The following CCDC187 variants were observed in gnomAD, a reference collection of about 807,000 sequenced individuals.
The protein encoded by CCDC187 is coiled-coil domain containing 187.
CCDC187 carries 32 observed loss-of-function variants against 38.0 expected under a neutral mutation model. The ratio of observed to expected loss-of-function variants is 0.84; its 90% CI spans 0.64 to 1.13. The LOEUF is 1.13. CCDC187 is among the 50% of genes most tolerant of loss of function. The pLI is 0.00. For missense variants in CCDC187, 707 were observed against 786.8 expected (o/e 0.90, Z 1.21); for synonymous variants, 333 against 347.9 (o/e 0.96, Z 0.48).
At position 136,253,787 on chromosome 9, in the gene CCDC187, G is replaced by C; in HGVS notation, c.6041C>G (p.Pro2014Arg). ...CTGTGCTTGGGGAGTGGGAGGAGGTGGGGGTAGGGGGGCCTCCCTGTGGAT... is the reference window on the plus strand; with the variant it reads ...CTGTGCTTGGGGAGTGGGAGGAGGTCGGGGTAGGGGGGCCTCCCTGTGGAT... ...SSIHREAPLP[P>R]PPPTPQAQSD... Residue 2014 changes from proline to arginine, a missense_variant, in exon 26 of 26, where the codon CCA (proline) becomes CGA (arginine). Physicochemically the swap from Pro to Arg is moderately radical, Grantham distance 103. Coordinates refer to ENST00000638797, the MANE Select transcript of CCDC187 (RefSeq NM_001378188.1). 1.0e-6 allele frequency: 1 copy of C among 985,566 alleles called. No homozygotes were observed. The highest frequency in any genetic ancestry group is 1.2e-6 in the Non-Finnish European group (1 of 829,966). The allele number at this position is 985,566 out of a possible 1,614,324, so 61.1% of individuals were successfully genotyped here.
chr9:136,274,617 C>T (rs1830896328), intron 14 of CCDC187, 41 bp downstream of exon 14: 2 of 152,476 alleles, frequency 1.3e-5, no homozygotes, highest in African/African-American at 2.4e-5. Flanking sequence ...GAGGGCTCTG[C>T]CTGCCTCCAG....
rs2131249353 is a variant in CCDC187, at chr9:136,281,613, A to C, written c.2978T>G (p.Leu993Arg). The change falls in exon 10 of 26, where the codon CTG becomes CGG. Residue 993 changes from leucine (L) to arginine (R), a missense_variant. Leu to Arg is a moderately radical substitution (Grantham distance 102). Transcript: ENST00000638797. Reference sequence around the variant, plus strand: ...CCCTCCGACCGACGGCGTCTCCTCCAGTCCCAGGGAGCCCCAGATAGGGTG... The same window carrying C: ...CCCTCCGACCGACGGCGTCTCCTCCCGTCCCAGGGAGCCCCAGATAGGGTG... Reference protein sequence around the residue: ...TLHPIWGSLGLEETPSVGGAD... With the variant: ...TLHPIWGSLGREETPSVGGAD... 1 of 398,604 alleles carries C rather than the reference A, an allele frequency of 2.5e-6. No individual in the cohort carries two copies. Among genetic ancestry groups the C allele is most frequent in the Middle Eastern group, 6.3e-4 (1 of 1,588 alleles). 24.7% of individuals were successfully genotyped at this position (398,604 alleles called of 1,614,324 possible).
rs905111179 is a variant in CCDC187 at position 136,301,427 on chromosome 9, C to T, written c.626-1109G>A. 3.1e-3 allele frequency among the ~76,000 whole-genome samples: 477 copies of T among 151,844 alleles called. 12 individuals are homozygous for T. The East Asian group carries it at 0.063, about 20-fold the overall frequency. On this transcript the variant is annotated intron_variant, in intron 2 of 25. Coordinates refer to ENST00000638797, the MANE Select transcript of CCDC187 (RefSeq NM_001378188.1). The stretch of plus-strand genomic sequence containing the variant: ...GAAGGGTCCCGGGGCTGGGAGGGGA[C>T]GGGGGTGAGTGTTTCATGGGGACAG...
chr9:136,258,926 G>A lies in CCDC187; in HGVS notation c.4366+6C>T. On this transcript the variant is annotated splice_donor_region_variant and intron_variant, in intron 22 of 25. Transcript: ENST00000638797. The surrounding 1 kb of genome is among the most constrained non-coding windows in gnomAD (Gnocchi z 4.3). ...GAGGCCCACGCGGTGTTTCCAGGGTGCTTACCTGGGGGTGGCTCCTTCACC... is the reference window on the plus strand; with the variant it reads ...GAGGCCCACGCGGTGTTTCCAGGGTACTTACCTGGGGGTGGCTCCTTCACC... 1 of 985,526 alleles carries A rather than the reference G, an allele frequency of 1.0e-6. No homozygotes were observed. The highest frequency in any genetic ancestry group is 1.2e-6 in the Non-Finnish European group (1 of 830,004). The allele number at this position is 985,526 out of a possible 1,614,324, so 61.0% of individuals were successfully genotyped here. A position where few individuals can be genotyped will look rare whatever the true frequency, so the allele number is the denominator to read the frequency against.
chr9:136,302,419 C>T (rs1831708392), intron 2 of CCDC187, among the ~76,000 whole-genome samples: 1 of 151,358 alleles, frequency 6.6e-6, no homozygotes, highest in Admixed American at 6.6e-5. Flanking sequence ...GGGAAGCTGC[C>T]AGACTTTCCA....
At chr9:136,255,547 G>T in intron 25 of CCDC187, 110 bp downstream of exon 25, 1 of 371,868 alleles carries the variant, frequency 2.7e-6, no homozygotes, top group Non-Finnish European at 3.7e-6. Flanking sequence ...CAGTGGGGAA[G>T]GCAGGGGCTG....
rs115032301 is a variant in CCDC187 at position 136,265,902 on chromosome 9, C to T, written c.3735+54G>A. On this transcript the variant is annotated intron_variant, in intron 17 of 25. Coordinates refer to ENST00000638797, the MANE Select transcript of CCDC187 (RefSeq NM_001378188.1). ...TCAGATTCCAGGCAAGAAGATGACA[C>T]GACTGCCTCTGTGAGCCGCCCACCC... 492 of 866,798 alleles carry T rather than the reference C, an allele frequency of 5.7e-4. 1 individual carries two copies. In the African/African-American group the frequency reaches 7.6e-3, roughly 13 times the overall value. The allele number at this position is 866,798 out of a possible 1,614,324, so 53.7% of individuals were successfully genotyped here.
intron 8 of CCDC187, 156 bp from the exon 9 acceptor site, chr9:136,285,762 G>A: frequency 2.5e-6 from 1 of 397,396 alleles, no homozygotes; most frequent in Non-Finnish European, 4.4e-6. Flanking sequence ...GCTGGAGGAA[G>A]GGCAGGGAGG....
intron 24 of CCDC187, 36 bp downstream of exon 24, chr9:136,256,175 C>T (rs1171390834): frequency 5.1e-6 from 5 of 973,176 alleles, no homozygotes; most frequent in Admixed American, 1.2e-4. Context: ...CCGTGCCTCA[C>T]GCTCCACCCC....
chr9:136,256,054 C>A (rs1165097031), intron 24 of CCDC187, among the ~76,000 whole-genome samples, 157 bp downstream of exon 24: 1 of 152,156 alleles, frequency 6.6e-6, no homozygotes, highest in Non-Finnish European at 1.5e-5. Context: ...GTGGGTCAGA[C>A]CCAGGAGGGC....
intron 16 of CCDC187, 94 bp downstream of exon 16, chr9:136,267,290 A>G: frequency 1.2e-6 from 1 of 868,770 alleles, no homozygotes; most frequent in African/African-American, 2.1e-5. Context: ...CGGGACCCGG[A>G]CGGGGCAGGG....
At chr9:136,286,837 G>A (rs919323082) in intron 7 of CCDC187, 142 bp from the exon 8 acceptor site, 78 of 397,422 alleles carry the variant, frequency 2.0e-4, no homozygotes, top group East Asian at 1.3e-3. Flanking sequence ...CCAGGGAAGC[G>A]GTGACGGTAT....
chr9:136,300,767 T>G (rs1384362706), intron 2 of CCDC187, among the ~76,000 whole-genome samples: 1 of 152,098 alleles, frequency 6.6e-6, no homozygotes, highest in Non-Finnish European at 1.5e-5. Context: ...CTGGCTAATT[T>G]TTTTGTATTT....
At chr9:136,259,311 G>GAAGATCAA (rs1554760728) in intron 21 of CCDC187, 52 bp downstream of exon 21, 2 of 786,852 alleles carry the variant, frequency 2.5e-6, no homozygotes, top group East Asian at 1.3e-4. Flanking sequence ...GGGGGGGGGT[G>GAAGATCAA]GTCCCTGAAA....
At chr9:136,305,016 G>A (rs926094720), upstream of CCDC187, among the ~76,000 whole-genome samples, 3 of 152,222 alleles carry the variant, frequency 2.0e-5, no homozygotes, top group Non-Finnish European at 4.4e-5. Context: ...ACATAGGCAC[G>A]GGGCCCAGGG....
At chr9:136,295,268 G>A (rs1831507549) in intron 4 of CCDC187, among the ~76,000 whole-genome samples, 1 of 152,240 alleles carries the variant, frequency 6.6e-6, no homozygotes, top group Non-Finnish European at 1.5e-5. Flanking sequence ...ACCCGCCTGG[G>A]GAGGGGCTGC....
rs1831165577 is a variant in CCDC187, at chr9:136,285,806, CT to C, written c.2834-201del. The C allele has an allele frequency of 1.3e-5, 5 of 397,174 alleles. No individual in the cohort carries two copies. The Admixed American group carries it at 1.8e-4, about 14-fold the overall frequency. The allele number at this position is 397,174 out of a possible 1,614,324, so 24.6% of individuals were successfully genotyped here. A position where few individuals can be genotyped will look rare whatever the true frequency, so the allele number is the denominator to read the frequency against. On this transcript the variant is annotated intron_variant, in intron 8 of 25. Coordinates refer to ENST00000638797, the MANE Select transcript of CCDC187 (RefSeq NM_001378188.1). ...AAGGAGCCACTGGAGCGGCCTCACC[CT>C]TCTGGCCAGAGAACAAGACAGGAGC...
At position 136,303,038 on chromosome 9, in the gene CCDC187, C is replaced by G; in HGVS notation, c.399G>C (p.Glu133Asp). 2.5e-6 allele frequency: 1 copy of G among 398,726 alleles called. No individual in the cohort carries two copies. The highest frequency in any genetic ancestry group is 3.6e-5 in the East Asian group (1 of 28,078). The allele number at this position is 398,726 out of a possible 1,614,324, so 24.7% of individuals were successfully genotyped here. The change falls in exon 2 of 26, where the codon GAG (glutamate) becomes GAC (aspartate). Residue 133 changes from glutamate to aspartate, a missense_variant. By Grantham distance (45) the Glu-to-Asp change is conservative. Coordinates refer to ENST00000638797, the MANE Select transcript of CCDC187 (RefSeq NM_001378188.1). Reference protein sequence around the residue: ...GGHDVCVSWKERPPQVLGPQQ... With the variant: ...GGHDVCVSWKDRPPQVLGPQQ... ...GGGGCCCCAACACCTGGGGTGGCCTCTCCTTCCAAGACACACACACGTCGT... is the reference window on the plus strand; with the variant it reads ...GGGGCCCCAACACCTGGGGTGGCCTGTCCTTCCAAGACACACACACGTCGT...
chr9:136,266,432 C>G (rs1170365319), intron 16 of CCDC187: 1 of 152,244 alleles, frequency 6.6e-6, no homozygotes, highest in Non-Finnish European at 1.5e-5. Flanking sequence ...GCTCAGACAC[C>G]GGGTGAGGAT....
Sources: gnomAD v4.1 joint callset for allele counts (sites outside exome capture counted in the v4.1 genomes callset) on GRCh38, gnomAD v4.1.1 for gene constraint, Gnocchi (gnomAD v3.1) non-coding constraint, MANE v1.5 for transcripts, NCBI Gene and HGNC (gene_info 2026-07-23, HGNC 2026-07-21) for gene names.